Variants in GRID2 observed in about 807,000 individuals in gnomAD.
GRID2 encodes the protein glutamate receptor ionotropic, delta-2.
GRID2 carries 33 observed loss-of-function variants against 114.8 expected under a neutral mutation model. The observed-to-expected ratio is 0.29, with a 90% CI of 0.22 to 0.38. The LOEUF (loss-of-function observed/expected upper bound fraction) is 0.38, where lower values mean the gene tolerates loss of function less well. GRID2 is among the 10% of genes least tolerant of loss of function. GRID2 has a pLI of 1.00. For synonymous variants in GRID2, 505 were observed against 449.9 expected (o/e 1.12, Z -1.55); for missense variants, 1,184 against 1,257.7 (o/e 0.94, Z 0.89).
chr4:93,321,593 A>G (rs948358191), intron 8 of GRID2, among the ~76,000 whole-genome samples: 2 of 152,092 alleles, frequency 1.3e-5, no homozygotes, highest in Admixed American at 6.6e-5. Context: ...CCTATTTTTG[A>G]AAAGATTGCC....
At chr4:92,864,929 A>C (rs1352056263) in intron 2 of GRID2, among the ~76,000 whole-genome samples, 1 of 152,202 alleles carries the variant, frequency 6.6e-6, no homozygotes, top group Non-Finnish European at 1.5e-5. Context: ...TGGATCCCCA[A>C]AATTTATTTG....
At chr4:93,387,176 G>C (rs1764400071) in intron 8 of GRID2, among the ~76,000 whole-genome samples, 1 of 152,164 alleles carries the variant, frequency 6.6e-6, no homozygotes, top group Non-Finnish European at 1.5e-5. Flanking sequence ...TCATTTGTAT[G>C]TTGGTGGTTC....
At chr4:92,946,491 T>TC (rs111410422) in intron 2 of GRID2, among the ~76,000 whole-genome samples, 32 of 152,004 alleles carry the variant, frequency 2.1e-4, no homozygotes, top group African/African-American at 5.5e-4. Flanking sequence ...TACCTTTTCT[T>TC]CCCCCCCAAA....
chr4:92,718,888 A>C (rs2149315848), intron 2 of GRID2, among the ~76,000 whole-genome samples: 1 of 152,192 alleles, frequency 6.6e-6, no homozygotes, highest in South Asian at 2.1e-4. Context: ...TAAAGATTAA[A>C]ATCTACAAAA....
chr4:93,712,879 T>G (rs755948453), intron 14 of GRID2, among the ~76,000 whole-genome samples: 3 of 152,168 alleles, frequency 2.0e-5, no homozygotes, highest in Non-Finnish European at 4.4e-5. Flanking sequence ...CTTACACAGC[T>G]GGCTTCTTCC....
At chr4:92,506,734 A>T (rs1723992391) in intron 1 of GRID2, among the ~76,000 whole-genome samples, 1 of 151,936 alleles carries the variant, frequency 6.6e-6, no homozygotes, top group Admixed American at 6.6e-5. Flanking sequence ...GAATTGGAGA[A>T]TACAGAGCAT....
intron 13 of GRID2, among the ~76,000 whole-genome samples, chr4:93,564,810 T>C (rs1735254946): frequency 6.6e-6 from 1 of 152,064 alleles, no homozygotes; most frequent in African/African-American, 2.4e-5. Flanking sequence ...ATTCATACAG[T>C]AGAATTTCAG....
chr4:93,602,933 G>A (rs1409239808), intron 13 of GRID2, among the ~76,000 whole-genome samples: 1 of 152,232 alleles, frequency 6.6e-6, no homozygotes, highest in African/African-American at 2.4e-5. Flanking sequence ...AAACAGGTGG[G>A]GTGCAGTGGC....
intron 2 of GRID2, among the ~76,000 whole-genome samples, chr4:92,663,533 G>C (rs750900375): frequency 5.6e-4 from 85 of 151,104 alleles, no homozygotes; most frequent in Non-Finnish European, 1.3e-4. Context: ...AGACAAAGTT[G>C]TTGCCTAATA....
intron 2 of GRID2, among the ~76,000 whole-genome samples, chr4:92,663,697 T>A (rs1732632005): frequency 6.6e-6 from 1 of 151,162 alleles, no homozygotes; most frequent in African/African-American, 2.4e-5. Flanking sequence ...TTCAGTGGTC[T>A]TAAACACATT....
At chr4:92,375,526 C>T (rs186854690) in intron 1 of GRID2, among the ~76,000 whole-genome samples, 30 of 152,206 alleles carry the variant, frequency 2.0e-4, no homozygotes, top group South Asian at 4.1e-4. Context: ...CCATTCCATG[C>T]GTGGGATCTC....
chr4:92,765,300 G>T (rs944262233), intron 2 of GRID2, among the ~76,000 whole-genome samples: 1 of 152,098 alleles, frequency 6.6e-6, no homozygotes, highest in Non-Finnish European at 1.5e-5. Flanking sequence ...TCAGAGGAAG[G>T]TCAGAAACAT....
At chr4:92,811,541 A>C (rs746431388) in intron 2 of GRID2, among the ~76,000 whole-genome samples, 1 of 152,090 alleles carries the variant, frequency 6.6e-6, no homozygotes, top group Non-Finnish European at 1.5e-5. Flanking sequence ...ATTTACCTAA[A>C]TGATTCCAAA....
chr4:92,848,779 G>T (rs1260159245), intron 2 of GRID2, among the ~76,000 whole-genome samples: 2 of 151,914 alleles, frequency 1.3e-5, no homozygotes, highest in Admixed American at 1.3e-4. Context: ...CACAGTTAAG[G>T]TAGGCCTAAT....
chr4:92,859,507 C>A (rs972409070), intron 2 of GRID2, among the ~76,000 whole-genome samples: 1 of 151,940 alleles, frequency 6.6e-6, no homozygotes, highest in Non-Finnish European at 1.5e-5. Context: ...ACAAAAAGAT[C>A]CAAAATGAAT....
At chr4:93,344,926 T>C (rs1194499543) in intron 8 of GRID2, among the ~76,000 whole-genome samples, 3 of 151,796 alleles carry the variant, frequency 2.0e-5, no homozygotes, top group African/African-American at 7.3e-5. Flanking sequence ...CCTCCAGTTT[T>C]ATCCATGTTA....
At chr4:93,237,279 A>G (rs1186356757) in intron 7 of GRID2, among the ~76,000 whole-genome samples, 1 of 152,084 alleles carries the variant, frequency 6.6e-6, no homozygotes, top group South Asian at 2.1e-4. Context: ...TAAAAATACA[A>G]TAGATTAAAT....
At chr4:92,996,315 T>A (rs1560780011) in intron 2 of GRID2, among the ~76,000 whole-genome samples, 1 of 151,664 alleles carries the variant, frequency 6.6e-6, no homozygotes. Flanking sequence ...ATAAAAAAAA[T>A]AAAAAATAAT....
chr4:93,494,575 CT>C (rs1416809142), intron 12 of GRID2, among the ~76,000 whole-genome samples: 1 of 151,742 alleles, frequency 6.6e-6, no homozygotes, highest in African/African-American at 2.4e-5. Context: ...GGAATTTTCC[CT>C]GGAAAAGATA....
Sources: gnomAD v4.1 joint callset for allele counts (sites outside exome capture counted in the v4.1 genomes callset) on GRCh38, gnomAD v4.1.1 for gene constraint, MANE v1.5 for transcripts, NCBI Gene and HGNC (gene_info 2026-07-23, HGNC 2026-07-21) for gene names.